GAB1: variants seen among roughly 807,000 people sequenced by gnomAD.
GAB1 encodes GRB2 associated binding protein 1.
A neutral mutation model predicts 66.5 loss-of-function variants in GAB1; 19 were observed. The observed-to-expected ratio is 0.29, with a 90% CI of 0.20 to 0.42. The LOEUF is 0.42. GAB1 is among the 10% of genes least tolerant of loss of function. GAB1 has a pLI of 1.00. For missense variants in GAB1, 732 were observed against 858.5 expected (o/e 0.85, Z 1.84); for synonymous variants, 294 against 301.4 (o/e 0.98, Z 0.25).
At chr4:143,404,766 C>A (rs1731955790) in intron 1 of GAB1, among the ~76,000 whole-genome samples, 1 of 152,186 alleles carries the variant, frequency 6.6e-6, no homozygotes, top group South Asian at 2.1e-4. Context: ...GAAAACAAAA[C>A]AACTGCATTG....
intron 1 of GAB1, among the ~76,000 whole-genome samples, chr4:143,365,629 G>C (rs1304558080): frequency 6.6e-6 from 1 of 152,210 alleles, no homozygotes; most frequent in Non-Finnish European, 1.5e-5. Flanking sequence ...CCAGCAGCAA[G>C]AACATGGTTC....
At chr4:143,351,585 A>G (rs1487962509) in intron 1 of GAB1, among the ~76,000 whole-genome samples, 1 of 152,152 alleles carries the variant, frequency 6.6e-6, no homozygotes, top group African/African-American at 2.4e-5. Context: ...TGGAGTGCCT[A>G]TCCTCACCTA....
intron 2 of GAB1, among the ~76,000 whole-genome samples, chr4:143,416,310 AG>A (rs1732684605): frequency 6.6e-6 from 1 of 152,188 alleles, no homozygotes; most frequent in Admixed American, 6.5e-5. Context: ...CCAGAGGCTG[AG>A]GCAGGAGAAT....
chr4:143,424,274 G>A (rs942311823), intron 2 of GAB1, among the ~76,000 whole-genome samples: 1 of 152,156 alleles, frequency 6.6e-6, no homozygotes, highest in Non-Finnish European at 1.5e-5. Flanking sequence ...TGCCTGTACT[G>A]TAGAGGAAAG....
intron 1 of GAB1, among the ~76,000 whole-genome samples, chr4:143,393,286 C>T (rs1731276623): frequency 6.7e-6 from 1 of 149,798 alleles, no homozygotes; most frequent in African/African-American, 2.5e-5. Context: ...GTGTAGCCTA[C>T]AAAACCTAAA....
At chr4:143,403,580 C>G (rs1246365678) in intron 1 of GAB1, among the ~76,000 whole-genome samples, 1 of 152,148 alleles carries the variant, frequency 6.6e-6, no homozygotes, top group African/African-American at 2.4e-5. Context: ...TCGTTTTCCT[C>G]CAAGAATCGT....
intron 6 of GAB1, among the ~76,000 whole-genome samples, chr4:143,443,326 T>G (rs1734342239): frequency 6.6e-6 from 1 of 152,164 alleles, no homozygotes; most frequent in Non-Finnish European, 1.5e-5. Flanking sequence ...TGTACTATTC[T>G]ACTTTTTAAA....
intron 1 of GAB1, 90 bp downstream of exon 1, chr4:143,337,350 G>C (rs1728693855): frequency 8.9e-7 from 1 of 1,118,086 alleles, no homozygotes; most frequent in Non-Finnish European, 1.3e-6. Context: ...GGCCGCGCGC[G>C]GGGCTGGTTC....
intron 2 of GAB1, chr4:143,417,628 C>G: frequency 6.0e-6 from 1 of 167,650 alleles, no homozygotes; most frequent in Non-Finnish European, 1.3e-5. Flanking sequence ...AGGCTGGTCT[C>G]AACTCCTGGC....
chr4:143,437,645 T>A (rs1449139751), intron 3 of GAB1, among the ~76,000 whole-genome samples: 1 of 152,202 alleles, frequency 6.6e-6, no homozygotes, highest in Non-Finnish European at 1.5e-5. Flanking sequence ...GAGGAAATGC[T>A]TTTCCTTGTG....
intron 6 of GAB1, among the ~76,000 whole-genome samples, chr4:143,455,471 G>A (rs972663422): frequency 6.6e-6 from 1 of 152,162 alleles, no homozygotes; most frequent in African/African-American, 2.4e-5. Flanking sequence ...AATGCAAAGA[G>A]TGACCACTGG....
At chr4:143,354,762 A>C (rs1729375321) in intron 1 of GAB1, among the ~76,000 whole-genome samples, 1 of 152,194 alleles carries the variant, frequency 6.6e-6, no homozygotes, top group Non-Finnish European at 1.5e-5. Context: ...AATTTTTAAT[A>C]CTCAGAGATT....
In GAB1 at chr4:143,471,679, A is replaced by G. The variant is rs1398323150; in HGVS notation, c.*2490A>G. 6.6e-6 allele frequency: 1 copy of G among 152,212 alleles called. No individual in the cohort carries two copies. The highest frequency in any genetic ancestry group is 1.5e-5 in the Non-Finnish European group (1 of 68,026). 9.4% of individuals were successfully genotyped at this position (152,212 alleles called of 1,614,324 possible). A position where few individuals can be genotyped will look rare whatever the true frequency, so the allele number is the denominator to read the frequency against. ...ATCAAGAAAATTTTGATTCACACAA[A>G]TGTAAGCAAAAATAATAGGTTTTAA... is the stretch of plus-strand genomic sequence containing the variant. On this transcript the variant is annotated 3_prime_UTR_variant, in exon 10 of 10. Transcript: ENST00000262994.
intron 1 of GAB1, 123 bp from the exon 2 acceptor site, chr4:143,415,350 CACAA>C (rs1732625283): frequency 1.4e-6 from 1 of 737,334 alleles, no homozygotes; most frequent in South Asian, 2.1e-5. Context: ...AAAACACACA[CACAA>C]ACACACACAT....
Position 143,373,868 on chromosome 4 carries a change from A to AATAAATAAATATATATATATATATAT in GAB1, c.72+36611_72+36612insAATAAATATATATATATATATATATA. ...CTCTCTCTCTCTCTGTAAATAAATA[A>AATAAATAAATATATATATATATATAT]ATATATATATATATATATTTTTACC... is the stretch of plus-strand genomic sequence containing the variant. On this transcript the variant is annotated intron_variant, in intron 1 of 9. Transcript: ENST00000262994. 2.1e-3 allele frequency among the ~76,000 whole-genome samples: 192 copies of AATAAATAAATATATATATATATATAT among 93,646 alleles called. 8 individuals carry two copies. Among genetic ancestry groups the AATAAATAAATATATATATATATATAT allele is most frequent in the African/African-American group, 7.9e-3 (170 of 21,568 alleles). The allele number at this position is 93,646 out of a possible 152,430, so 61.4% of individuals were successfully genotyped here.
At chr4:143,375,076 T>C (rs969588202) in intron 1 of GAB1, among the ~76,000 whole-genome samples, 13 of 152,132 alleles carry the variant, frequency 8.5e-5, no homozygotes, top group African/African-American at 2.9e-4. Context: ...GCCTCCTGAA[T>C]AGCTGGAATT....
rs769288503 is a variant in GAB1, at chr4:143,457,740, C to T, written c.1586-1645C>T. ...GGTTTAGAGCGAACTGATTCACAAA[C>T]CATAGGTGACTTTGCTACAAGAAGA... On this transcript the variant is annotated intron_variant, in intron 6 of 9. Coordinates refer to ENST00000262994, the MANE Select transcript of GAB1 (RefSeq NM_002039.4). 39 of 1,579,156 alleles carry T rather than the reference C, an allele frequency of 2.5e-5. No homozygotes were observed. In the East Asian group the frequency reaches 4.6e-4, roughly 19 times the overall value.
chr4:143,390,109 G>A (rs1015632268), intron 1 of GAB1, among the ~76,000 whole-genome samples: 1 of 152,172 alleles, frequency 6.6e-6, no homozygotes, highest in Non-Finnish European at 1.5e-5. Context: ...CATAGTGCTG[G>A]TTCGAGGTAC....
chr4:143,445,319 T>G (rs1310481839), intron 6 of GAB1, among the ~76,000 whole-genome samples: 2 of 152,222 alleles, frequency 1.3e-5, no homozygotes, highest in Non-Finnish European at 2.9e-5. Flanking sequence ...CATTGTAGTT[T>G]TGATTTGCAT....
Sources: gnomAD v4.1 joint callset for allele counts (sites outside exome capture counted in the v4.1 genomes callset) on GRCh38, gnomAD v4.1.1 for gene constraint, MANE v1.5 for transcripts, NCBI Gene and HGNC (gene_info 2026-07-23, HGNC 2026-07-21) for gene names.